The following TULP1 variants were observed in gnomAD, a reference collection of about 807,000 sequenced individuals.
The protein encoded by TULP1 is TUB like protein 1, also known as tubby-related protein 1.
TULP1 carries 50 observed loss-of-function variants against 67.1 expected under a neutral mutation model. The observed-to-expected ratio is 0.75, with a 90% CI of 0.59 to 0.94. TULP1 has a LOEUF of 0.94. Among genes scored for constraint, TULP1 ranks in the 40% least tolerant of loss-of-function variants. TULP1 has a pLI of 0.00. For missense variants in TULP1, 746 were observed against 734.1 expected (o/e 1.02, Z -0.19); for synonymous variants, 297 against 294.0 (o/e 1.01, Z -0.11).
Position 35,501,806 on chromosome 6 carries a change from C to T in TULP1, c.1324-1654G>A, listed in dbSNP as rs553481122. Among the ~76,000 whole-genome samples the T allele has an allele frequency of 5.9e-5, 9 of 152,288 alleles. No homozygotes were observed. The South Asian group carries it at 1.2e-3, about 21-fold the overall frequency. On this transcript the variant is annotated intron_variant, in intron 13 of 14. Coordinates refer to ENST00000229771, the MANE Select transcript of TULP1 (RefSeq NM_003322.6). Reference sequence around the variant, plus strand: ...CAGCCTGGGTTACAGAGCGAGACTCCGTCTCAAAACAAAAACAAAAACAAA... The same window carrying T: ...CAGCCTGGGTTACAGAGCGAGACTCTGTCTCAAAACAAAAACAAAAACAAA...
chr6:35,512,160 G>C lies in TULP1; in HGVS notation c.190+20C>G, dbSNP rs563158279. ...CAGCCCACACCCTGGGGGTCCACCC[G>C]GGCTCTGCACCCCGCCCACCTCCGG... On this transcript the variant is annotated intron_variant, in intron 3 of 14. Transcript: ENST00000229771. 7.6e-7 allele frequency: 1 copy of C among 1,317,180 alleles called. No homozygotes were observed. The highest frequency in any genetic ancestry group is 9.7e-7 in the Non-Finnish European group (1 of 1,029,370). 81.6% of individuals were successfully genotyped at this position (1,317,180 alleles called of 1,614,324 possible).
chr6:35,512,554 GT>G (rs1208319592), intron 2 of TULP1, 84 bp downstream of exon 2: 152 of 1,577,336 alleles, frequency 9.6e-5, no homozygotes, highest in Admixed American at 3.3e-5. Flanking sequence ...AGGGGGACCT[GT>G]CCCACCCCTA....
chr6:35,504,105 CAGG>C, intron 11 of TULP1: 1 of 441,012 alleles, frequency 2.3e-6, no homozygotes, highest in East Asian at 4.3e-5. Flanking sequence ...CGCTTGAGTC[CAGG>C]AGTTGGAAAC....
Position 35,506,086 on chromosome 6 carries a change from G to A in TULP1, c.916C>T (p.Arg306Cys), listed in dbSNP as rs944741344. Residue 306 changes from arginine (R) to cysteine (C), a missense_variant, in exon 10 of 15, where the codon CGC (arginine) becomes TGC (cysteine). Around this residue, in one of 3 missense-constraint regions of TULP1, gnomAD observed 383 missense variants for 374.1 expected, o/e 1.02. Transcript: ENST00000229771. The stretch of plus-strand genomic sequence containing the variant: ...TTTTTGTCCCGGGTCAGCCGGCAGC[G>A]CACCGTGCGGCCCTGGGGGGCAGGC... ...LRPAPQGRTV[R>C]CRLTRDKKGM... The A allele has an allele frequency of 1.9e-6, 3 of 1,613,556 alleles. No individual in the cohort carries two copies. The highest frequency in any genetic ancestry group is 2.5e-6 in the Non-Finnish European group (3 of 1,180,002).
rs1235264275 is a variant in TULP1 at position 35,506,069 on chromosome 6, C to A, written c.933G>T (p.Arg311=). 3.1e-6 allele frequency: 5 copies of A among 1,613,610 alleles called. No individual in the cohort carries two copies. The highest frequency in any genetic ancestry group is 4.2e-6 in the Non-Finnish European group (5 of 1,180,034). ...TGCCTCGATCCATGCCCTTTTTGTC[C>A]CGGGTCAGCCGGCAGCGCACCGTGC... The part of the protein sequence containing the change: ...QGRTVRCRLT[R]DKKGMDRGMY... The change falls in exon 10 of 15, where the codon CGG becomes CGT. Residue 311 remains arginine (R), a synonymous_variant. Transcript: ENST00000229771.
At position 35,503,381 on chromosome 6, in the gene TULP1, C is replaced by T. The variant is rs1390527143; in HGVS notation, c.1323+178G>A. On this transcript the variant is annotated intron_variant, in intron 13 of 14. Coordinates refer to ENST00000229771, the MANE Select transcript of TULP1 (RefSeq NM_003322.6). This position sits in a 1 kb window ranked among gnomAD's most constrained non-coding sequence, Gnocchi z 4.0. Reference sequence around the variant, plus strand: ...AAACTCCAAAAACAACCAAAAAGCCCATTGTGGTTTTTCAGTGAATTCAAT... The same window carrying T: ...AAACTCCAAAAACAACCAAAAAGCCTATTGTGGTTTTTCAGTGAATTCAAT... The T allele has an allele frequency of 1.2e-5, 8 of 645,560 alleles. No homozygotes were observed. Among genetic ancestry groups the T allele is most frequent in the Non-Finnish European group, 1.9e-5 (7 of 372,736 alleles). The allele number at this position is 645,560 out of a possible 1,614,324, so 40.0% of individuals were successfully genotyped here.
chr6:35,500,411 C>T lies in TULP1; in HGVS notation c.1324-259G>A, dbSNP rs144386725. 9.9e-5 allele frequency among the ~76,000 whole-genome samples: 15 copies of T among 152,248 alleles called. No homozygotes were observed. In the East Asian group the frequency reaches 2.7e-3, roughly 27 times the overall value. ...TGGCAAGGGGCATCTGGCACATAGG[C>T]GCTCCATGCCATTGGTACCCAGGTG... On this transcript the variant is annotated intron_variant, in intron 13 of 14. Coordinates refer to ENST00000229771, the MANE Select transcript of TULP1 (RefSeq NM_003322.6).
At chr6:35,511,624 C>T (rs911558054) in intron 4 of TULP1, 24 bp downstream of exon 4, 4 of 1,586,092 alleles carry the variant, frequency 2.5e-6, no homozygotes, top group African/African-American at 1.3e-5. Context: ...CCCCCTCACC[C>T]GCGTCCCTGG....
intron 13 of TULP1, 64 bp from the exon 14 acceptor site, chr6:35,500,216 C>T (rs1209258752): frequency 1.3e-6 from 2 of 1,582,880 alleles, no homozygotes; most frequent in South Asian, 1.1e-5. Flanking sequence ...TGGCTCAGGA[C>T]TGACCGGAGA....
At chr6:35,509,585 C>T in intron 7 of TULP1, 49 bp downstream of exon 7, 3 of 1,585,860 alleles carry the variant, frequency 1.9e-6, no homozygotes, top group Non-Finnish European at 2.6e-6. Flanking sequence ...GCTCCCCGCC[C>T]CCAGGACCAC....
chr6:35,508,293 C>G (rs1184855402), intron 8 of TULP1, among the ~76,000 whole-genome samples: 1 of 152,258 alleles, frequency 6.6e-6, no homozygotes, highest in Non-Finnish European at 1.5e-5. Context: ...AAAGCCAGAA[C>G]TTATTCAAAC....
chr6:35,502,521 T>C lies in TULP1; in HGVS notation c.1323+1038A>G, dbSNP rs192404076. On this transcript the variant is annotated intron_variant, in intron 13 of 14. Coordinates refer to ENST00000229771, the MANE Select transcript of TULP1 (RefSeq NM_003322.6). ...TTTTTTTTTAATTTTTGAGACAGAG[T>C]GTCGCTCTGTTGCCCAGGCTGGAGT... 8.0e-3 allele frequency among the ~76,000 whole-genome samples: 1,208 copies of C among 150,510 alleles called. 24 individuals are homozygous for C. Among genetic ancestry groups the C allele is most frequent in the African/African-American group, 0.027 (1,108 of 40,780 alleles).
Position 35,498,350 on chromosome 6 carries a change from C to T in TULP1, c.1606G>A (p.Asp536Asn). The T allele has an allele frequency of 1.2e-6, 2 of 1,612,962 alleles. No homozygotes were observed. The highest frequency in any genetic ancestry group is 1.1e-5 in the South Asian group (1 of 90,924). ...GGTCACTCGCAGGCCAGCTTCCCGTCGAAACTGGAGAGGGCGATGGCGAAG... is the reference window on the plus strand; with the variant it reads ...GGTCACTCGCAGGCCAGCTTCCCGTTGAAACTGGAGAGGGCGATGGCGAAG... Reference protein sequence around the residue: ...QAFAIALSSFDGKLACE With the variant: ...QAFAIALSSFNGKLACE Residue 536 changes from aspartate to asparagine, a missense_variant, in exon 15 of 15, where the codon GAC becomes AAC. Physicochemically the swap from Asp to Asn is conservative, Grantham distance 23. This residue lies in a region of TULP1 where 383 missense variants were observed against 374.1 expected (regional missense o/e 1.02). Transcript: ENST00000229771. This position sits in a 1 kb window ranked among gnomAD's most constrained non-coding sequence, Gnocchi z 6.7.
chr6:35,498,542 G>A lies in TULP1; in HGVS notation c.1496-82C>T. The A allele has an allele frequency of 6.3e-7, 1 of 1,596,546 alleles. No homozygotes were observed. Among genetic ancestry groups the A allele is most frequent in the Non-Finnish European group, 8.5e-7 (1 of 1,171,794 alleles). On this transcript the variant is annotated intron_variant, in intron 14 of 14. Coordinates refer to ENST00000229771, the MANE Select transcript of TULP1 (RefSeq NM_003322.6). This position sits in a 1 kb window ranked among gnomAD's most constrained non-coding sequence, Gnocchi z 6.7. Reference sequence around the variant, plus strand: ...GCAGACAGTGCCCTCAACCTTGGGGGCAGTCTGTCCCTTGCCTTGGGGCTC... The same window carrying A: ...GCAGACAGTGCCCTCAACCTTGGGGACAGTCTGTCCCTTGCCTTGGGGCTC...
At chr6:35,505,410 G>C (rs924471563) in intron 11 of TULP1, 1 of 438,618 alleles carries the variant, frequency 2.3e-6, no homozygotes, top group African/African-American at 2.0e-5. Flanking sequence ...TGTGTTCAGT[G>C]CTAGGAATTC....
rs750582036 is a variant in TULP1, at chr6:35,510,995, T to A, written c.365A>T (p.Glu122Val). The change falls in exon 5 of 15, where the codon GAG (glutamate) becomes GTG (valine). Residue 122 changes from glutamate to valine, a missense_variant. Glu to Val is a moderately radical substitution (Grantham distance 121). Coordinates refer to ENST00000229771, the MANE Select transcript of TULP1 (RefSeq NM_003322.6). ...PDAEDEEEEE[E>V]EDEEDEEEEA... ...CTCTTCCTCGTCCTCCTCGTCCTCC[T>A]CTTCCTCCTCCTCCTCTGCAGGTAG... The A allele has an allele frequency of 6.9e-6, 11 of 1,603,574 alleles. No individual in the cohort carries two copies. The highest frequency in any genetic ancestry group is 9.3e-6 in the Non-Finnish European group (11 of 1,176,748).
At chr6:35,506,240 G>C (rs1164259513) in intron 9 of TULP1, 34 bp downstream of exon 9, 1 of 1,605,308 alleles carries the variant, frequency 6.2e-7, no homozygotes, top group Admixed American at 1.7e-5. Context: ...AGGTCCCAGT[G>C]CTGAGACACG....
Position 35,511,696 on chromosome 6 carries a change from C to T in TULP1, c.301G>A (p.Asp101Asn). The T allele has an allele frequency of 6.3e-7, 1 of 1,593,922 alleles. No individual in the cohort carries two copies. Among genetic ancestry groups the T allele is most frequent in the East Asian group, 2.3e-5 (1 of 43,950 alleles). The change falls in exon 4 of 15, where the codon GAC (aspartate) becomes AAC (asparagine). Residue 101 changes from aspartate (D) to asparagine (N), a missense_variant. Coordinates refer to ENST00000229771, the MANE Select transcript of TULP1 (RefSeq NM_003322.6). ...GCTACCAGAAAGGTTTCCCGGGGGT[C>T]GCGCTTCTTGGCCTCGGGGTCCCTG... The part of the protein sequence containing the change: ...FLRDPEAKKR[D>N]PRETFLVARA...
In TULP1 at chr6:35,498,255, G is replaced by A. The variant is rs773083501; in HGVS notation, c.*72C>T. On this transcript the variant is annotated 3_prime_UTR_variant, in exon 15 of 15. Transcript: ENST00000229771. The surrounding 1 kb of genome is among the most constrained non-coding windows in gnomAD (Gnocchi z 6.7). Reference sequence around the variant, plus strand: ...TTTTCCGCGGGAGCTTTGCTGGAGGGACCCTGCCAGCCTCCACTGAATCCT... The same window carrying A: ...TTTTCCGCGGGAGCTTTGCTGGAGGAACCCTGCCAGCCTCCACTGAATCCT... The A allele has an allele frequency of 2.0e-5, 31 of 1,581,592 alleles. No individual in the cohort carries two copies. The highest frequency in any genetic ancestry group is 2.7e-5 in the Non-Finnish European group (31 of 1,168,806).
Sources: gnomAD v4.1 joint callset for allele counts (sites outside exome capture counted in the v4.1 genomes callset) on GRCh38, gnomAD v4.1.1 for gene constraint, gnomAD v4.1.1 regional missense constraint, Gnocchi (gnomAD v3.1) non-coding constraint, MANE v1.5 for transcripts, NCBI Gene and HGNC (gene_info 2026-07-23, HGNC 2026-07-21) for gene names.